The following HNF4G variants were observed in gnomAD, a reference collection of about 807,000 sequenced individuals.
HNF4G encodes the protein hepatocyte nuclear factor 4-gamma.
In HNF4G, 21 loss-of-function variants were observed where a neutral mutation model predicts 50.9. The observed-to-expected ratio is 0.41, with a 90% CI of 0.29 to 0.59. The LOEUF (loss-of-function observed/expected upper bound fraction) is 0.59, where lower values mean the gene tolerates loss of function less well. Ranked by LOEUF, HNF4G falls within the 20% of genes least tolerant of loss-of-function variation. The pLI is 0.26. For missense variants in HNF4G, 527 were observed against 559.4 expected, an observed-to-expected ratio of 0.94 and a Z score of 0.58; for synonymous variants, 198 against 185.6, an observed-to-expected ratio of 1.07 and a Z score of -0.54.
chr8:75,420,531 T>C (rs1466700163), intron 1 of HNF4G, among the ~76,000 whole-genome samples: 2 of 152,240 alleles, frequency 1.3e-5, no homozygotes, highest in African/African-American at 4.8e-5. Context: ...TCTCCTCTAA[T>C]TAGTCAAGCT....
At chr8:75,520,675 T>A (rs1365479713) in intron 2 of HNF4G, among the ~76,000 whole-genome samples, 2 of 152,092 alleles carry the variant, frequency 1.3e-5, no homozygotes, top group East Asian at 3.9e-4. Flanking sequence ...CGAGCTCAAA[T>A]GATCCATGCC....
intron 1 of HNF4G, among the ~76,000 whole-genome samples, chr8:75,466,636 C>CCTTCGCCCTTCCCT (rs1197117089): frequency 2.6e-4 from 10 of 38,730 alleles, no homozygotes; most frequent in Non-Finnish European, 4.8e-4. Flanking sequence ...TTCCTTCCTT[C>CCTTCGCCCTTCCCT]TCCCTTCCCT....
At chr8:75,420,053 T>A (rs1321121856) in intron 1 of HNF4G, among the ~76,000 whole-genome samples, 1 of 152,102 alleles carries the variant, frequency 6.6e-6, no homozygotes, top group East Asian at 1.9e-4. Context: ...TCTTATGATA[T>A]CAGAACTAGG....
At position 75,564,903 on chromosome 8, in the gene HNF4G, G is replaced by A. The variant is rs1807417372; in HGVS notation, c.*807G>A. 1 of 152,090 alleles carries A rather than the reference G, an allele frequency of 6.6e-6. No homozygotes were observed. The highest frequency in any genetic ancestry group is 2.4e-5 in the African/African-American group (1 of 41,416). 9.4% of individuals were successfully genotyped at this position (152,090 alleles called of 1,614,324 possible). On this transcript the variant is annotated 3_prime_UTR_variant, in exon 10 of 10. Transcript: ENST00000396423. Reference sequence around the variant, plus strand: ...AGAAATTAGTACATGCCCACAGCTGGCTCCCACGGTAGCCAGGAGAATTAT... The same window carrying A: ...AGAAATTAGTACATGCCCACAGCTGACTCCCACGGTAGCCAGGAGAATTAT...
chr8:75,528,986 T>C (rs904929943), intron 2 of HNF4G, among the ~76,000 whole-genome samples: 1 of 151,924 alleles, frequency 6.6e-6, no homozygotes, highest in Admixed American at 6.6e-5. Context: ...AAACTGCCAC[T>C]TTAAAAACCT....
chr8:75,479,149 C>T (rs1812313196), intron 1 of HNF4G, among the ~76,000 whole-genome samples: 2 of 152,194 alleles, frequency 1.3e-5, no homozygotes, highest in Admixed American at 6.5e-5. Context: ...GACCAAACTA[C>T]TACCCTTATT....
intron 2 of HNF4G, among the ~76,000 whole-genome samples, chr8:75,492,795 G>A (rs968525118): frequency 1.3e-5 from 2 of 152,074 alleles, no homozygotes; most frequent in Non-Finnish European, 2.9e-5. Context: ...AGGCCAGAAA[G>A]ATATTTCTGG....
chr8:75,420,305 C>G (rs1159157116), intron 1 of HNF4G, among the ~76,000 whole-genome samples: 1 of 152,218 alleles, frequency 6.6e-6, no homozygotes, highest in Non-Finnish European at 1.5e-5. Flanking sequence ...AACCACATTG[C>G]TCCCTTCAAG....
intron 1 of HNF4G, among the ~76,000 whole-genome samples, chr8:75,482,027 T>C (rs962067228): frequency 6.6e-6 from 1 of 152,152 alleles, no homozygotes; most frequent in Non-Finnish European, 1.5e-5. Context: ...TATTGAAGTT[T>C]TTAAAAATCT....
chr8:75,449,718 C>A (rs111233397), intron 1 of HNF4G, among the ~76,000 whole-genome samples: 23,610 of 151,446 alleles, frequency 0.16, 2,078 homozygotes, highest in African/African-American at 0.23. Flanking sequence ...CGTGTTAGCC[C>A]GGATGGTCTC....
intron 2 of HNF4G, among the ~76,000 whole-genome samples, chr8:75,509,896 G>A (rs1399853189): frequency 2.0e-5 from 3 of 152,066 alleles, no homozygotes; most frequent in Non-Finnish European, 4.4e-5. Flanking sequence ...CTATGTTGCT[G>A]GTTTATGTAT....
intron 1 of HNF4G, among the ~76,000 whole-genome samples, chr8:75,467,343 C>T (rs1001214453): frequency 3.3e-5 from 5 of 152,186 alleles, no homozygotes; most frequent in Non-Finnish European, 7.3e-5. Context: ...ATTCAGTACT[C>T]ACTAGTTCAC....
At chr8:75,536,900 A>G (rs1416145754), upstream of HNF4G, among the ~76,000 whole-genome samples, 1 of 152,022 alleles carries the variant, frequency 6.6e-6, no homozygotes, top group Admixed American at 6.6e-5. Flanking sequence ...TTCTGAATGT[A>G]GCTTAACTAG....
intron 1 of HNF4G, among the ~76,000 whole-genome samples, chr8:75,433,075 C>A (rs1273355872): frequency 1.3e-5 from 2 of 152,080 alleles, no homozygotes; most frequent in African/African-American, 4.8e-5. Flanking sequence ...GAGAACCACA[C>A]GGCCAAACTG....
rs373199976 is a variant in HNF4G, at chr8:75,517,624, CTTA to C, written c.-23-26185_-23-26183del. Among the ~76,000 whole-genome samples, 41 of 152,306 alleles carry C rather than the reference CTTA, an allele frequency of 2.7e-4. No individual in the cohort carries two copies. In the East Asian group the frequency reaches 5.8e-3, roughly 22 times the overall value. ...CTACATGTCTCACATCCAGGTCACTCTTATACAAGAGGTGGGTTTCCCATGGCC... is the reference window on the plus strand; with the variant it reads ...CTACATGTCTCACATCCAGGTCACTCTACAAGAGGTGGGTTTCCCATGGCC... On this transcript the variant is annotated intron_variant, in intron 2 of 10. Coordinates refer to the HNF4G transcript ENST00000354370.
At chr8:75,506,447 G>A (rs1813082688) in intron 2 of HNF4G, among the ~76,000 whole-genome samples, 1 of 151,892 alleles carries the variant, frequency 6.6e-6, no homozygotes, top group African/African-American at 2.4e-5. Context: ...GAATAATACT[G>A]TACTAAAGTG....
chr8:75,542,493 A>G (rs1029548821), intron 1 of HNF4G, among the ~76,000 whole-genome samples: 4 of 147,194 alleles, frequency 2.7e-5, no homozygotes, highest in Non-Finnish European at 6.0e-5. Context: ...AAGGAACAGC[A>G]GGTGAACAAG....
At chr8:75,534,119 C>T (rs1158798620) in intron 2 of HNF4G, among the ~76,000 whole-genome samples, 2 of 151,858 alleles carry the variant, frequency 1.3e-5, no homozygotes, top group East Asian at 3.9e-4. Flanking sequence ...CATAATACAG[C>T]AATTTTGGTT....
At chr8:75,513,115 A>T (rs966634507) in intron 2 of HNF4G, among the ~76,000 whole-genome samples, 1 of 150,700 alleles carries the variant, frequency 6.6e-6, no homozygotes, top group African/African-American at 2.4e-5. Flanking sequence ...TCGGCTCACT[A>T]TAACCTTCGC....
Sources: allele counts gnomAD v4.1 joint callset (sites outside exome capture counted in the v4.1 genomes callset), GRCh38; gene constraint gnomAD v4.1.1; transcripts MANE v1.5; gene names NCBI Gene and HGNC (gene_info 2026-07-23, HGNC 2026-07-21).